Variants in ANKIB1 observed in about 807,000 individuals in gnomAD.
ANKIB1 encodes the protein ankyrin repeat and IBR domain-containing protein 1.
A neutral mutation model predicts 122.1 loss-of-function variants in ANKIB1; 43 were observed. That is an observed-to-expected ratio of 0.35 (90% CI 0.28 to 0.45). The LOEUF (loss-of-function observed/expected upper bound fraction) is 0.45, where lower values mean the gene tolerates loss of function less well. Among genes scored for constraint, ANKIB1 ranks in the 20% least tolerant of loss-of-function variants. The probability of loss-of-function intolerance (pLI) is 1.00; values close to 1 mark genes in which losing one functional copy is unlikely to be tolerated. For missense variants in ANKIB1, 992 were observed against 1,329.5 expected, an observed-to-expected ratio of 0.75 and a Z score of 3.95; for synonymous variants, 390 against 442.0, an observed-to-expected ratio of 0.88 and a Z score of 1.48.
intron 11 of ANKIB1, among the ~76,000 whole-genome samples, chr7:92,376,409 A>G (rs1804380760): frequency 6.6e-6 from 1 of 151,644 alleles, no homozygotes. Context: ...CAGCTTCTAC[A>G]TCAGCACTTT....
chr7:92,337,076 A>G (rs957782802), intron 5 of ANKIB1, among the ~76,000 whole-genome samples: 4 of 152,178 alleles, frequency 2.6e-5, no homozygotes, highest in African/African-American at 7.2e-5. Flanking sequence ...GTTTAATTAC[A>G]TTGGCTAGCA....
At chr7:92,388,448 G>A (rs1375041418) in intron 14 of ANKIB1, among the ~76,000 whole-genome samples, 2 of 152,228 alleles carry the variant, frequency 1.3e-5, no homozygotes, top group Non-Finnish European at 2.9e-5. Context: ...TTAACAGAGT[G>A]CCTAAGGGCG....
chr7:92,321,364 AT>A (rs1273392616), intron 4 of ANKIB1, among the ~76,000 whole-genome samples: 1 of 152,172 alleles, frequency 6.6e-6, no homozygotes, highest in African/African-American at 2.4e-5. Flanking sequence ...TTCCTGTCTT[AT>A]CTGAAACTTT....
chr7:92,273,102 C>T (rs1801832078), intron 1 of ANKIB1, among the ~76,000 whole-genome samples: 1 of 151,872 alleles, frequency 6.6e-6, no homozygotes. Flanking sequence ...TGGTGGCCCC[C>T]GTAAGTGCAA....
At chr7:92,349,438 G>T (rs1304086582) in intron 7 of ANKIB1, among the ~76,000 whole-genome samples, 1 of 152,130 alleles carries the variant, frequency 6.6e-6, no homozygotes, top group Non-Finnish European at 1.5e-5. Context: ...CGTTGCTGCT[G>T]TTGTTGTTGT....
intron 17 of ANKIB1, among the ~76,000 whole-genome samples, chr7:92,394,131 C>T (rs1038245982): frequency 1.4e-4 from 21 of 152,086 alleles, no homozygotes; most frequent in African/African-American, 4.8e-4. Context: ...AGGCTATGTT[C>T]TTTCTTAATT....
chr7:92,322,329 T>C (rs1193895635), intron 4 of ANKIB1, among the ~76,000 whole-genome samples: 2 of 152,054 alleles, frequency 1.3e-5, no homozygotes, highest in African/African-American at 4.8e-5. Flanking sequence ...ATAACTAATA[T>C]TATGTTAAGA....
At position 92,289,082 on chromosome 7, in the gene ANKIB1, A is replaced by G. The variant is rs139734079; in HGVS notation, c.-90-5807A>G. Among the ~76,000 whole-genome samples the G allele has an allele frequency of 3.5e-3, 540 of 152,362 alleles. 4 individuals carry two copies. The highest frequency in any genetic ancestry group is 0.012 in the African/African-American group (510 of 41,584). Reference sequence around the variant, plus strand: ...ATATATGAATGTTATGGCAGCCTTAATAATAATTGCCCCAGCTGGAAACAA... The same window carrying G: ...ATATATGAATGTTATGGCAGCCTTAGTAATAATTGCCCCAGCTGGAAACAA... On this transcript the variant is annotated intron_variant, in intron 1 of 19. Coordinates refer to ENST00000265742, the MANE Select transcript of ANKIB1 (RefSeq NM_019004.2).
chr7:92,315,935 A>G (rs1585103579), intron 3 of ANKIB1, among the ~76,000 whole-genome samples: 1 of 152,160 alleles, frequency 6.6e-6, no homozygotes, highest in African/African-American at 2.4e-5. Context: ...GAGTAAGTCA[A>G]TCCAGAGTCA....
chr7:92,299,164 A>G (rs1050998902), intron 2 of ANKIB1, among the ~76,000 whole-genome samples: 3 of 152,212 alleles, frequency 2.0e-5, no homozygotes, highest in Non-Finnish European at 4.4e-5. Flanking sequence ...TGATTATTAA[A>G]ATCCAGGAAA....
intron 11 of ANKIB1, among the ~76,000 whole-genome samples, chr7:92,382,315 T>C (rs1326878296): frequency 6.6e-6 from 1 of 152,096 alleles, no homozygotes; most frequent in Non-Finnish European, 1.5e-5. Context: ...CCACTGTCAA[T>C]ATTAGACAGA....
intron 5 of ANKIB1, 108 bp downstream of exon 5, chr7:92,328,008 T>TA: frequency 1.4e-6 from 1 of 691,980 alleles, no homozygotes; most frequent in Non-Finnish European, 2.4e-6. Flanking sequence ...AATGGTTTGT[T>TA]AAAAAAGCCT....
intron 10 of ANKIB1, among the ~76,000 whole-genome samples, chr7:92,364,762 G>A (rs916664352): frequency 1.3e-5 from 2 of 152,182 alleles, no homozygotes; most frequent in Non-Finnish European, 2.9e-5. Flanking sequence ...TAGAGAAGTT[G>A]CAGTATCAGA....
intron 1 of ANKIB1, among the ~76,000 whole-genome samples, chr7:92,276,427 G>A (rs746773248): frequency 6.6e-6 from 1 of 152,114 alleles, no homozygotes; most frequent in South Asian, 2.1e-4. Flanking sequence ...ACCTTAAAAG[G>A]TCGAAAGTTT....
chr7:92,328,676 C>A (rs1803083292), intron 5 of ANKIB1, among the ~76,000 whole-genome samples: 1 of 151,798 alleles, frequency 6.6e-6, no homozygotes, highest in African/African-American at 2.4e-5. Context: ...ACTAAAAACA[C>A]ATTTAAAAAG....
intron 1 of ANKIB1, among the ~76,000 whole-genome samples, chr7:92,271,414 C>G (rs1272023528): frequency 2.6e-5 from 4 of 152,052 alleles, no homozygotes; most frequent in Non-Finnish European, 1.5e-5. Context: ...CCTTATTCTT[C>G]TTTTTAAAAA....
At chr7:92,350,110 C>G (rs1046023733) in intron 7 of ANKIB1, among the ~76,000 whole-genome samples, 2 of 151,696 alleles carry the variant, frequency 1.3e-5, no homozygotes, top group Non-Finnish European at 2.9e-5. Flanking sequence ...TTTTTCCTCA[C>G]TACTCAAGTA....
At chr7:92,319,798 G>A in intron 4 of ANKIB1, 2 of 306,070 alleles carry the variant, frequency 6.5e-6, no homozygotes, top group Non-Finnish European at 1.2e-5. Context: ...TGCCAGGAAT[G>A]GTGGCCCACA....
At chr7:92,385,275 T>G (rs552523649) in intron 11 of ANKIB1, among the ~76,000 whole-genome samples, 2 of 152,222 alleles carry the variant, frequency 1.3e-5, no homozygotes, top group Non-Finnish European at 2.9e-5. Context: ...GCTTTTACAC[T>G]GTTAGTGGGA....
Sources: gnomAD v4.1 joint callset for allele counts (sites outside exome capture counted in the v4.1 genomes callset) on GRCh38, gnomAD v4.1.1 for gene constraint, MANE v1.5 for transcripts, NCBI Gene and HGNC (gene_info 2026-07-23, HGNC 2026-07-21) for gene names.